The following NT5C2 variants were observed in gnomAD, a reference collection of about 807,000 sequenced individuals.
The protein encoded by NT5C2 is 5'-nucleotidase, cytosolic II.
In NT5C2, 58 loss-of-function variants were observed where a neutral mutation model predicts 76.1. The observed-to-expected ratio is 0.76, with a 90% CI of 0.62 to 0.95. The LOEUF (loss-of-function observed/expected upper bound fraction) is 0.95. Among genes scored for constraint, NT5C2 ranks in the 40% least tolerant of loss-of-function variants. NT5C2 has a pLI of 0.00. For missense variants in NT5C2, 478 were observed against 690.3 expected, an observed-to-expected ratio of 0.69 and a Z score of 3.45; for synonymous variants, 229 against 237.4, an observed-to-expected ratio of 0.96 and a Z score of 0.32.
At chr10:103,109,692 C>T (rs1380358284) in intron 4 of NT5C2, among the ~76,000 whole-genome samples, 1 of 152,126 alleles carries the variant, frequency 6.6e-6, no homozygotes, top group African/African-American at 2.4e-5. Context: ...TACTCCCACC[C>T]ACACTCACCC....
chr10:103,125,907 T>C (rs553403305), intron 4 of NT5C2, among the ~76,000 whole-genome samples: 2 of 152,208 alleles, frequency 1.3e-5, no homozygotes, highest in Non-Finnish European at 2.9e-5. Context: ...GGAGAGTGCA[T>C]AGTTTGATTA....
intron 4 of NT5C2, chr10:103,125,448 A>C: frequency 3.8e-6 from 1 of 261,274 alleles, no homozygotes; most frequent in Non-Finnish European, 7.5e-6. Flanking sequence ...TGGAAAGAAA[A>C]AAAAATCACT....
At chr10:103,175,795 C>T (rs1238417946) in intron 2 of NT5C2, 1 of 217,788 alleles carries the variant, frequency 4.6e-6, no homozygotes, top group African/African-American at 2.3e-5. Flanking sequence ...GGCAGTCTCC[C>T]CTAATAAGTT....
intron 4 of NT5C2, among the ~76,000 whole-genome samples, chr10:103,117,907 A>C (rs1591019201): frequency 6.6e-6 from 1 of 152,342 alleles, no homozygotes; most frequent in East Asian, 1.9e-4. Flanking sequence ...GGGTTTAAAA[A>C]AAAAAAGTAT....
At chr10:103,095,264 C>T (rs1385609416) in intron 12 of NT5C2, among the ~76,000 whole-genome samples, 1 of 152,176 alleles carries the variant, frequency 6.6e-6, no homozygotes, top group Non-Finnish European at 1.5e-5. Context: ...GAGTTATGCC[C>T]ATTAAAATCA....
chr10:103,135,658 G>A (rs1220239492), intron 4 of NT5C2, among the ~76,000 whole-genome samples: 1 of 151,978 alleles, frequency 6.6e-6, no homozygotes, highest in African/African-American at 2.4e-5. Flanking sequence ...CATAGTGGCA[G>A]GCACCTGTAA....
intron 1 of NT5C2, among the ~76,000 whole-genome samples, chr10:103,187,375 C>G (rs1171658706): frequency 6.6e-6 from 1 of 151,650 alleles, no homozygotes. Context: ...GAAACTCCAT[C>G]TCTACTAAAA....
At chr10:103,124,691 T>C (rs903624114) in intron 4 of NT5C2, among the ~76,000 whole-genome samples, 3 of 151,820 alleles carry the variant, frequency 2.0e-5, no homozygotes, top group Non-Finnish European at 4.4e-5. Flanking sequence ...AACTGAGACA[T>C]AGGTTAAGTA....
chr10:103,174,913 G>A lies in NT5C2; in HGVS notation c.46C>T (p.Pro16Ser). Residue 16 changes from proline to serine, a missense_variant, in exon 3 of 19, where the codon CCT becomes TCT. Physicochemically the swap from Pro to Ser is moderately conservative, Grantham distance 74 (BLOSUM62 -1). Coordinates refer to ENST00000404739, the MANE Select transcript of NT5C2 (RefSeq NM_001351169.2). The stretch of plus-strand genomic sequence containing the variant: ...AGGGCATGCTTATCCATGTTAGCAG[G>A]CATATCTGCTGCATTCTGTAACCGA... ...SDRLQNAADMPANMDKHALKK... is the reference protein window; with the variant it reads ...SDRLQNAADMSANMDKHALKK... The A allele has an allele frequency of 1.2e-6, 2 of 1,612,972 alleles. No individual in the cohort carries two copies. Among genetic ancestry groups the A allele is most frequent in the Non-Finnish European group, 1.7e-6 (2 of 1,179,092 alleles).
At chr10:103,100,163 A>G (rs1239709411) in intron 8 of NT5C2, 144 bp from the exon 9 acceptor site, 1 of 572,462 alleles carries the variant, frequency 1.7e-6, no homozygotes, top group African/African-American at 1.9e-5. Flanking sequence ...CTCCCTAATG[A>G]AAGTCCACTT....
At chr10:103,126,558 G>A (rs1202334555) in intron 4 of NT5C2, among the ~76,000 whole-genome samples, 4 of 152,152 alleles carry the variant, frequency 2.6e-5, no homozygotes, top group African/African-American at 7.2e-5. Flanking sequence ...GAAGGCGGAG[G>A]TTGCAGTGAG....
intron 4 of NT5C2, among the ~76,000 whole-genome samples, chr10:103,110,751 T>C (rs1254453384): frequency 6.6e-6 from 1 of 152,124 alleles, no homozygotes; most frequent in African/African-American, 2.4e-5. Flanking sequence ...TCACAAATGA[T>C]TTTCCCAGAT....
intron 4 of NT5C2, among the ~76,000 whole-genome samples, chr10:103,109,321 G>C (rs2072302505): frequency 6.6e-6 from 1 of 152,148 alleles, no homozygotes; most frequent in African/African-American, 2.4e-5. Flanking sequence ...AATAGAGTAA[G>C]AGCTGGTGTA....
At chr10:103,155,869 A>T (rs2083269266) in intron 3 of NT5C2, among the ~76,000 whole-genome samples, 1 of 152,166 alleles carries the variant, frequency 6.6e-6, no homozygotes, top group Non-Finnish European at 1.5e-5. Flanking sequence ...AACATTATTT[A>T]AAAAATGAAT....
At chr10:103,173,152 A>G (rs1428919860) in intron 3 of NT5C2, among the ~76,000 whole-genome samples, 1 of 152,160 alleles carries the variant, frequency 6.6e-6, no homozygotes, top group Non-Finnish European at 1.5e-5. Context: ...CCTGGCCTAC[A>G]CTTTTAAAGA....
intron 3 of NT5C2, among the ~76,000 whole-genome samples, chr10:103,156,283 A>G (rs552622402): frequency 6.6e-6 from 1 of 152,360 alleles, no homozygotes; most frequent in Admixed American, 6.5e-5. Flanking sequence ...TCAGGAATGA[A>G]AAGGCCAGAG....
intron 3 of NT5C2, chr10:103,153,397 A>C: frequency 8.5e-7 from 1 of 1,172,256 alleles, no homozygotes; most frequent in South Asian, 1.6e-5. Context: ...GTTAAAGCAC[A>C]GAGAACTCAG....
At chr10:103,155,138 C>T (rs746557213) in intron 3 of NT5C2, among the ~76,000 whole-genome samples, 8 of 152,102 alleles carry the variant, frequency 5.3e-5, no homozygotes, top group Non-Finnish European at 8.8e-5. Flanking sequence ...ACCAGTGATA[C>T]AAAGATAAAC....
chr10:103,173,498 T>C (rs976407093), intron 3 of NT5C2, among the ~76,000 whole-genome samples: 2 of 148,862 alleles, frequency 1.3e-5, no homozygotes, highest in Non-Finnish European at 3.0e-5. Flanking sequence ...GCACCTGTAG[T>C]CCCAGCTACT....
Sources: gnomAD v4.1 joint callset for allele counts (sites outside exome capture counted in the v4.1 genomes callset) on GRCh38, gnomAD v4.1.1 for gene constraint, MANE v1.5 for transcripts, NCBI Gene and HGNC (gene_info 2026-07-23, HGNC 2026-07-21) for gene names.